Variants in HPF1 observed in about 807,000 individuals in gnomAD.
The protein encoded by HPF1 is histone PARylation factor 1, also known as UPF0609 protein C4orf27.
In HPF1, 35 loss-of-function variants were observed where a neutral mutation model predicts 38.8. That is an observed-to-expected ratio of 0.90 (90% CI 0.69 to 1.19). The LOEUF is 1.19. Among genes scored for constraint, HPF1 ranks in the 50% most tolerant of loss-of-function variants. The pLI is 0.00. For synonymous variants in HPF1, 115 were observed against 139.2 expected (o/e 0.83, Z 1.22); for missense variants, 367 against 405.8 (o/e 0.90, Z 0.82).
At chr4:169,748,566 T>A (rs541470446) in intron 4 of HPF1, among the ~76,000 whole-genome samples, 178 bp downstream of exon 4, 1 of 152,166 alleles carries the variant, frequency 6.6e-6, no homozygotes, top group South Asian at 2.1e-4. Flanking sequence ...AGAGATGGGG[T>A]ATACCCATGT....
chr4:169,745,068 C>A (rs577986126), intron 4 of HPF1, among the ~76,000 whole-genome samples: 35 of 152,316 alleles, frequency 2.3e-4, no homozygotes, highest in African/African-American at 8.2e-4. Flanking sequence ...AGCTGGCTCT[C>A]AACTCACTCG....
Position 169,737,740 on chromosome 4 carries a change from G to A in HPF1, c.656C>T (p.Thr219Ile), listed in dbSNP as rs1229107340. The change falls in exon 6 of 8, where the codon ACA becomes ATA. Residue 219 changes from threonine (T) to isoleucine (I), a missense_variant. Thr to Ile is a moderately conservative substitution (Grantham distance 89). Coordinates refer to ENST00000393381, the MANE Select transcript of HPF1 (RefSeq NM_017867.3). ...KMKQRDKKVV[T>I]KTFHGAGLVV... is the part of the protein sequence containing the mutation. ...CAAGCCTGCACCATGAAAGGTCTTTGTCACAACCTACATTAAAGAAAAGAA... is the reference window on the plus strand; with the variant it reads ...CAAGCCTGCACCATGAAAGGTCTTTATCACAACCTACATTAAAGAAAAGAA... 3.7e-6 allele frequency: 6 copies of A among 1,607,138 alleles called. No homozygotes were observed. The highest frequency in any genetic ancestry group is 5.1e-6 in the Non-Finnish European group (6 of 1,174,308).
intron 4 of HPF1, 95 bp from the exon 5 acceptor site, chr4:169,742,202 C>T: frequency 1.0e-6 from 1 of 976,968 alleles, no homozygotes; most frequent in Non-Finnish European, 1.5e-6. Flanking sequence ...TGTCAAATTC[C>T]ATACAAGAAT....
intron 1 of HPF1, among the ~76,000 whole-genome samples, chr4:169,754,695 G>A (rs1277888775): frequency 6.6e-6 from 1 of 152,134 alleles, no homozygotes; most frequent in Non-Finnish European, 1.5e-5. Context: ...ACCTAGAGCA[G>A]TGGTTCTCAA....
intron 6 of HPF1, among the ~76,000 whole-genome samples, chr4:169,735,691 T>C (rs1425414836): frequency 3.9e-5 from 6 of 152,024 alleles, no homozygotes; most frequent in Non-Finnish European, 7.4e-5. Context: ...CCAAACGAGA[T>C]AGTAATCATG....
chr4:169,750,376 A>C, intron 3 of HPF1, 160 bp downstream of exon 3: 4 of 492,474 alleles, frequency 8.1e-6, no homozygotes, highest in Non-Finnish European at 1.4e-5. Context: ...TACCCATCCT[A>C]GGGAAGGTTA....
At chr4:169,743,481 A>T (rs1490609906) in intron 4 of HPF1, among the ~76,000 whole-genome samples, 7 of 121,156 alleles carry the variant, frequency 5.8e-5, no homozygotes, top group African/African-American at 2.2e-4. Context: ...AGGTCGATAG[A>T]TTTTTTTTTT....
intron 2 of HPF1, among the ~76,000 whole-genome samples, chr4:169,753,028 GTTTTT>G (rs71590035): frequency 4.8e-5 from 5 of 103,890 alleles, no homozygotes; most frequent in Admixed American, 1.3e-4. Context: ...CCTTGGTTAG[GTTTTT>G]TTTTTTTTTT....
chr4:169,750,830 A>G, intron 2 of HPF1, 105 bp from the exon 3 acceptor site: 1 of 865,134 alleles, frequency 1.2e-6, no homozygotes, highest in Non-Finnish European at 1.7e-6. Flanking sequence ...AAGTTTCTAA[A>G]CTAAAAAAAT....
At chr4:169,731,209 A>G (rs1733823401) in intron 7 of HPF1, among the ~76,000 whole-genome samples, 1 of 152,220 alleles carries the variant, frequency 6.6e-6, no homozygotes, top group African/African-American at 2.4e-5. Context: ...TTTCTTATTT[A>G]ATGAGCAATT....
chr4:169,747,183 C>G (rs1468064454), intron 4 of HPF1, among the ~76,000 whole-genome samples: 2 of 150,024 alleles, frequency 1.3e-5, no homozygotes, highest in Non-Finnish European at 3.0e-5. Flanking sequence ...ACTTAACATG[C>G]TAGTGCAAGA....
chr4:169,732,138 T>A (rs1463245365), intron 6 of HPF1: 6 of 6,556 alleles, frequency 9.2e-4, no homozygotes, highest in East Asian at 0.021. Flanking sequence ...ACAGTCACGA[T>A]TTTTTTTTTT....
At chr4:169,734,676 T>C (rs776177880) in intron 6 of HPF1, among the ~76,000 whole-genome samples, 17 of 152,178 alleles carry the variant, frequency 1.1e-4, no homozygotes, top group Non-Finnish European at 2.4e-4. Context: ...CTCAAAATAC[T>C]CAATTTAATG....
chr4:169,749,448 A>C (rs1027253249), intron 3 of HPF1, among the ~76,000 whole-genome samples: 2 of 152,150 alleles, frequency 1.3e-5, no homozygotes, highest in Admixed American at 1.3e-4. Context: ...TAGTGGTAGG[A>C]ATACTGCATG....
At chr4:169,739,925 T>C (rs772377396) in intron 5 of HPF1, among the ~76,000 whole-genome samples, 1 of 152,248 alleles carries the variant, frequency 6.6e-6, no homozygotes, top group Non-Finnish European at 1.5e-5. Flanking sequence ...TAAAGAATGA[T>C]GGTAATATGT....
At chr4:169,751,219 A>G (rs1312743394) in intron 2 of HPF1, among the ~76,000 whole-genome samples, 1 of 152,078 alleles carries the variant, frequency 6.6e-6, no homozygotes, top group African/African-American at 2.4e-5. Context: ...CCTGGCCAAC[A>G]TGGCAAAACC....
At chr4:169,752,180 T>TTTG (rs1734128684) in intron 2 of HPF1, among the ~76,000 whole-genome samples, 1 of 146,570 alleles carries the variant, frequency 6.8e-6, no homozygotes, top group African/African-American at 2.5e-5. Flanking sequence ...TTTTTTTTTT[T>TTTG]TTTTTTTTGA....
chr4:169,742,341 C>T (rs77086546), intron 4 of HPF1, among the ~76,000 whole-genome samples: 1,851 of 152,250 alleles, frequency 0.012, 48 homozygotes, highest in African/African-American at 0.043. Context: ...TTTATATTAG[C>T]ACTCTAATGT....
Position 169,729,713 on chromosome 4 carries a change from A to C in HPF1, c.910-4T>G. The stretch of plus-strand genomic sequence containing the variant: ...GGCCAGCAACTTTATGAAAATACTG[A>C]AAAATAAAAATATAACATTAAGCAG... On this transcript the variant is annotated splice_polypyrimidine_tract_variant and splice_region_variant and intron_variant, in intron 7 of 7. Coordinates refer to ENST00000393381, the MANE Select transcript of HPF1 (RefSeq NM_017867.3). 1 of 1,488,832 alleles carries C rather than the reference A, an allele frequency of 6.7e-7. No individual in the cohort carries two copies. The highest frequency in any genetic ancestry group is 9.0e-7 in the Non-Finnish European group (1 of 1,116,274). The allele number at this position is 1,488,832 out of a possible 1,614,324, so 92.2% of individuals were successfully genotyped here.
Sources: allele counts gnomAD v4.1 joint callset (sites outside exome capture counted in the v4.1 genomes callset), GRCh38; gene constraint gnomAD v4.1.1; transcripts MANE v1.5; gene names NCBI Gene and HGNC (gene_info 2026-07-23, HGNC 2026-07-21).